NPR3: variants seen among roughly 807,000 people sequenced by gnomAD.
The protein encoded by NPR3 is natriuretic peptide receptor 3.
In NPR3, 34 loss-of-function variants were observed where a neutral mutation model predicts 54.5. The ratio of observed to expected loss-of-function variants is 0.62; its 90% CI spans 0.47 to 0.83. The LOEUF (loss-of-function observed/expected upper bound fraction) is 0.83. Ranked by LOEUF, NPR3 falls within the 40% of genes least tolerant of loss-of-function variation. The pLI, the probability that NPR3 is intolerant of heterozygous loss-of-function variation, is 0.00. For synonymous variants in NPR3, 289 were observed against 297.1 expected, an observed-to-expected ratio of 0.97 and a Z score of 0.28; for missense variants, 674 against 720.8, an observed-to-expected ratio of 0.94 and a Z score of 0.74.
At chr5:32,697,746 C>A (rs1056732071) in intron 1 of NPR3, among the ~76,000 whole-genome samples, 4 of 152,042 alleles carry the variant, frequency 2.6e-5, no homozygotes, top group Non-Finnish European at 5.9e-5. Context: ...GGAATTTATC[C>A]ATTTCTTCTA....
chr5:32,711,855 G>A lies in NPR3; in HGVS notation c.79G>A (p.Gly27Ser). 6.8e-7 allele frequency: 1 copy of A among 1,462,994 alleles called. No individual in the cohort carries two copies. The highest frequency in any genetic ancestry group is 9.0e-7 in the Non-Finnish European group (1 of 1,109,598). The allele number at this position is 1,462,994 out of a possible 1,614,324, so 90.6% of individuals were successfully genotyped here. Residue 27 changes from glycine to serine, a missense_variant, in exon 1 of 8, where the codon GGT (glycine) becomes AGT (serine). Physicochemically the swap from Gly to Ser is moderately conservative, Grantham distance 56. Transcript: ENST00000265074. Reference sequence around the variant, plus strand: ...GTTGCTGGCCGGCGGCACCGGTGGCGGTGGCGTTGGCGGCGGCGGCGGTGG... The same window carrying A: ...GTTGCTGGCCGGCGGCACCGGTGGCAGTGGCGTTGGCGGCGGCGGCGGTGG... ...WALLAGGTGG[G>S]GVGGGGGGAG...
intron 3 of NPR3, among the ~76,000 whole-genome samples, chr5:32,758,990 C>T (rs1357446709): frequency 1.3e-5 from 2 of 152,156 alleles, no homozygotes; most frequent in Admixed American, 6.5e-5. Flanking sequence ...AATTTCTGTT[C>T]TTTTACATTT....
At chr5:32,769,157 C>T (rs934589950) in intron 3 of NPR3, among the ~76,000 whole-genome samples, 1 of 152,184 alleles carries the variant, frequency 6.6e-6, no homozygotes, top group Non-Finnish European at 1.5e-5. Flanking sequence ...TGTGAGGCTA[C>T]TTGGTTTATG....
In NPR3 at chr5:32,720,401, A is replaced by C. The variant is rs115357043; in HGVS notation, c.770-4297A>C. ...AAATAAGTATCCCCCCAATTCAGGGATACTACCTGGAATGTTTTTGATTCT... is the reference window on the plus strand; with the variant it reads ...AAATAAGTATCCCCCCAATTCAGGGCTACTACCTGGAATGTTTTTGATTCT... On this transcript the variant is annotated intron_variant, in intron 1 of 7. Transcript: ENST00000265074. 9.9e-3 allele frequency among the ~76,000 whole-genome samples: 1,505 copies of C among 152,330 alleles called. 23 individuals are homozygous for C. Among genetic ancestry groups the C allele is most frequent in the African/African-American group, 0.035 (1,448 of 41,564 alleles).
In NPR3 at chr5:32,789,610, C is replaced by G. The variant is rs753347569; in HGVS notation, c.*3265C>G. 1 of 534,668 alleles carries G rather than the reference C, an allele frequency of 1.9e-6. No individual in the cohort carries two copies. The highest frequency in any genetic ancestry group is 1.9e-5 in the African/African-American group (1 of 51,962). 33.1% of individuals were successfully genotyped at this position (534,668 alleles called of 1,614,324 possible). ...AAAGACGTTTGCTTTGGAATGCCCTCACTTCTCCCTATTCACAGGCTTCTA... is the reference window on the plus strand; with the variant it reads ...AAAGACGTTTGCTTTGGAATGCCCTGACTTCTCCCTATTCACAGGCTTCTA... On this transcript the variant is annotated 3_prime_UTR_variant, in exon 8 of 8. Coordinates refer to ENST00000265074, the MANE Select transcript of NPR3 (RefSeq NM_001204375.2).
chr5:32,710,859 GT>G (rs56022335), upstream of NPR3: 273,121 of 959,778 alleles, frequency 0.28, 5,046 homozygotes, highest in Middle Eastern at 0.35. Flanking sequence ...CCCAGTCCTG[GT>G]TTTTTTTTTT....
chr5:32,748,745 A>G (rs1740427397), intron 3 of NPR3, among the ~76,000 whole-genome samples: 1 of 152,162 alleles, frequency 6.6e-6, no homozygotes, highest in South Asian at 2.1e-4. Flanking sequence ...AGGGGAATGA[A>G]ATAGGCAGAC....
chr5:32,779,391 C>T (rs1742223448), intron 4 of NPR3, among the ~76,000 whole-genome samples: 1 of 152,228 alleles, frequency 6.6e-6, no homozygotes, highest in Admixed American at 6.5e-5. Context: ...TACTTAATAT[C>T]AGCCGATGAT....
At chr5:32,770,882 C>T (rs1179590079) in intron 3 of NPR3, among the ~76,000 whole-genome samples, 2 of 152,162 alleles carry the variant, frequency 1.3e-5, no homozygotes, top group African/African-American at 4.8e-5. Flanking sequence ...AGTTGTTTAC[C>T]TGTGATAGGT....
Position 32,712,081 on chromosome 5 carries a change from C to A in NPR3, c.305C>A (p.Ala102Asp). The A allele has an allele frequency of 6.2e-7, 1 of 1,613,862 alleles. No homozygotes were observed. Among genetic ancestry groups the A allele is most frequent in the Non-Finnish European group, 8.5e-7 (1 of 1,179,816 alleles). The change falls in exon 1 of 8, where the codon GCT becomes GAT. Residue 102 changes from alanine (A) to aspartate (D), a missense_variant. By Grantham distance (126) the Ala-to-Asp change is moderately radical (BLOSUM62 -2). Coordinates refer to ENST00000265074, the MANE Select transcript of NPR3 (RefSeq NM_001204375.2). ...LLPPGTRFQV[A>D]YEDSDCGNRA... ...CCGCCGGGCACTCGCTTCCAGGTGG[C>A]TTACGAGGATTCAGACTGTGGGAAC...
intron 1 of NPR3, among the ~76,000 whole-genome samples, chr5:32,715,856 G>A (rs568771867): frequency 6.6e-6 from 1 of 152,318 alleles, no homozygotes; most frequent in African/African-American, 2.4e-5. Flanking sequence ...TCATTAATCT[G>A]GGCCTGCATA....
In NPR3 at chr5:32,786,714, G is replaced by T. The variant is rs767443017; in HGVS notation, c.*369G>T. 10 of 192,366 alleles carry T rather than the reference G, an allele frequency of 5.2e-5. No homozygotes were observed. Among genetic ancestry groups the T allele is most frequent in the Non-Finnish European group, 1.0e-4 (10 of 96,274 alleles). 11.9% of individuals were successfully genotyped at this position (192,366 alleles called of 1,614,324 possible). ...GTTTTCTTAAATGAAATGTTTTGTA[G>T]CTAGAATAAAATCATTTTTACAAGT... is the stretch of plus-strand genomic sequence containing the variant. On this transcript the variant is annotated 3_prime_UTR_variant, in exon 8 of 8. Coordinates refer to ENST00000265074, the MANE Select transcript of NPR3 (RefSeq NM_001204375.2).
At chr5:32,724,898 A>G in intron 2 of NPR3, 78 bp downstream of exon 2, 1 of 1,496,692 alleles carries the variant, frequency 6.7e-7, no homozygotes. Context: ...GGTGGGTTGG[A>G]TAAATAATAT....
chr5:32,747,770 T>C (rs1740378614), intron 3 of NPR3, among the ~76,000 whole-genome samples: 1 of 151,764 alleles, frequency 6.6e-6, no homozygotes, highest in South Asian at 2.1e-4. Context: ...TTTTTTTTTT[T>C]TTTGAGATGG....
chr5:32,759,978 G>A (rs1003734597), intron 3 of NPR3, among the ~76,000 whole-genome samples: 1 of 152,116 alleles, frequency 6.6e-6, no homozygotes, highest in African/African-American at 2.4e-5. Flanking sequence ...GAGATTCGCT[G>A]TTAGTCTGAT....
upstream of NPR3, among the ~76,000 whole-genome samples, chr5:32,708,907 C>T (rs954300129): frequency 4.0e-5 from 6 of 150,430 alleles, no homozygotes; most frequent in Non-Finnish European, 7.4e-5. Flanking sequence ...AAGCATAACA[C>T]TGGCTTTTTT....
chr5:32,774,019 A>T (rs1465906991), intron 3 of NPR3, among the ~76,000 whole-genome samples: 2 of 152,216 alleles, frequency 1.3e-5, no homozygotes, highest in African/African-American at 4.8e-5. Context: ...GTCAGGGCTC[A>T]ACTGGGATAT....
In NPR3 at chr5:32,790,158, C is replaced by T. The variant is rs773523637; in HGVS notation, c.*3813C>T. The T allele has an allele frequency of 1.0e-4, 18 of 179,074 alleles. No homozygotes were observed. The highest frequency in any genetic ancestry group is 6.5e-4 in the East Asian group (4 of 6,126). The allele number at this position is 179,074 out of a possible 1,614,324, so 11.1% of individuals were successfully genotyped here. A position where few individuals can be genotyped will look rare whatever the true frequency, so the allele number is the denominator to read the frequency against. On this transcript the variant is annotated 3_prime_UTR_variant, in exon 8 of 8. Coordinates refer to ENST00000265074, the MANE Select transcript of NPR3 (RefSeq NM_001204375.2). ...TATATTTTAGAGGCAATTGTGGAAG[C>T]GGAGAGAATGAGATGATGGTGTTCA...
At chr5:32,753,901 AACTCCCTTGCATGAAGTTT>A (rs1444909487) in intron 3 of NPR3, among the ~76,000 whole-genome samples, 1 of 152,108 alleles carries the variant, frequency 6.6e-6, no homozygotes, top group Non-Finnish European at 1.5e-5. Flanking sequence ...TCACAACTTA[AACTCCCTTGCATGAAGTTT>A]TGCATTGCAC....
Sources: allele counts gnomAD v4.1 joint callset (sites outside exome capture counted in the v4.1 genomes callset), GRCh38; gene constraint gnomAD v4.1.1; transcripts MANE v1.5; gene names NCBI Gene and HGNC (gene_info 2026-07-23, HGNC 2026-07-21).